FAM162A: variants seen among roughly 807,000 people sequenced by gnomAD.
FAM162A encodes the protein family with sequence similarity 162 member A, also known as protein FAM162A.
In FAM162A, 23 loss-of-function variants were observed where a neutral mutation model predicts 21.8. That is an observed-to-expected ratio of 1.05 (90% CI 0.76 to 1.49). The LOEUF is 1.49. Ranked by LOEUF, FAM162A falls within the 40% of genes most tolerant of loss-of-function variation. FAM162A has a pLI of 0.00. For synonymous variants in FAM162A, 53 were observed against 61.3 expected (o/e 0.86, Z 0.64); for missense variants, 165 against 186.4 (o/e 0.89, Z 0.67).
intron 1 of FAM162A, among the ~76,000 whole-genome samples, chr3:122,399,530 T>C (rs1195161118): frequency 6.6e-6 from 1 of 152,154 alleles, no homozygotes; most frequent in East Asian, 1.9e-4. Flanking sequence ...CAGTCTGCCA[T>C]TGATGGACAT....
intron 3 of FAM162A, 73 bp from the exon 4 acceptor site, chr3:122,407,208 A>C (rs1003729291): frequency 2.0e-5 from 24 of 1,216,950 alleles, no homozygotes; most frequent in Admixed American, 4.1e-5. Context: ...ATTTATACAC[A>C]GCCTTTTATC....
At chr3:122,391,857 A>G (rs562013333) in intron 1 of FAM162A, among the ~76,000 whole-genome samples, 8 of 152,360 alleles carry the variant, frequency 5.3e-5, no homozygotes, top group African/African-American at 1.4e-4. Flanking sequence ...TAACTACTCT[A>G]TGTAAAATTT....
At chr3:122,408,282 A>G (rs755521020) in intron 4 of FAM162A, among the ~76,000 whole-genome samples, 27 of 152,216 alleles carry the variant, frequency 1.8e-4, no homozygotes, top group Non-Finnish European at 1.6e-4. Context: ...CAAACCTCAT[A>G]CTATACTATC....
intron 1 of FAM162A, among the ~76,000 whole-genome samples, chr3:122,394,145 A>G (rs1055675300): frequency 1.3e-5 from 2 of 152,098 alleles, no homozygotes; most frequent in African/African-American, 2.4e-5. Flanking sequence ...AAACGACCAG[A>G]TCTCATAAGA....
At chr3:122,386,446 A>G (rs1168929043) in intron 1 of FAM162A, among the ~76,000 whole-genome samples, 1 of 151,988 alleles carries the variant, frequency 6.6e-6, no homozygotes, top group African/African-American at 2.4e-5. Context: ...TCAGCTACTC[A>G]GGAGGCTGAG....
intron 1 of FAM162A, 106 bp downstream of exon 1, chr3:122,384,405 G>T: frequency 2.3e-6 from 3 of 1,330,392 alleles, no homozygotes; most frequent in Non-Finnish European, 3.1e-6. Flanking sequence ...ATTCCATGAC[G>T]CACTTTCTCG....
intron 4 of FAM162A, 135 bp from the exon 5 acceptor site, chr3:122,409,604 T>C: frequency 1.4e-6 from 1 of 712,502 alleles, no homozygotes; most frequent in East Asian, 2.5e-5. Context: ...TAGAGGAAAC[T>C]GCCGTGCTCA....
In FAM162A at chr3:122,402,763, G is replaced by T. The variant is rs2075658522; in HGVS notation, c.38G>T (p.Ser13Ile). The T allele has an allele frequency of 1.4e-6, 2 of 1,472,204 alleles. No individual in the cohort carries two copies. Among genetic ancestry groups the T allele is most frequent in the Non-Finnish European group, 1.8e-6 (2 of 1,108,586 alleles). The allele number at this position is 1,472,204 out of a possible 1,614,324, so 91.2% of individuals were successfully genotyped here. A position where few individuals can be genotyped will look rare whatever the true frequency, so the allele number is the denominator to read the frequency against. Residue 13 changes from serine (S) to isoleucine (I), a missense_variant, in exon 2 of 5, where the codon AGC becomes ATC. Coordinates refer to ENST00000477892, the MANE Select transcript of FAM162A (RefSeq NM_014367.4). ...AACATTTTCCTCTCTTTTTTAGGAAGCTGTTTTAGGTTATGTGAAAGAGAT... is the reference window on the plus strand; with the variant it reads ...AACATTTTCCTCTCTTTTTTAGGAATCTGTTTTAGGTTATGTGAAAGAGAT... ...SLSGLRLAAG[S>I]CFRLCERDVS...
intron 1 of FAM162A, among the ~76,000 whole-genome samples, chr3:122,392,022 A>T (rs966909096): frequency 3.9e-5 from 6 of 152,198 alleles, no homozygotes; most frequent in Admixed American, 1.3e-4. Flanking sequence ...TGCCTAAAAC[A>T]ATGCCTGGCA....
At position 122,407,431 on chromosome 3, in the gene FAM162A, A is replaced by T. The variant is rs754987744; in HGVS notation, c.372+42A>T. 8.2e-6 allele frequency: 12 copies of T among 1,465,688 alleles called. No homozygotes were observed. The South Asian group carries it at 9.1e-5, about 11-fold the overall frequency. 90.8% of individuals were successfully genotyped at this position (1,465,688 alleles called of 1,614,324 possible). On this transcript the variant is annotated intron_variant, in intron 4 of 4. Transcript: ENST00000477892. ...TCTCTATCCAGTATGTATGTTCTCC[A>T]CCAAGAACCTAGAGTAAATCAGGGA...
intron 1 of FAM162A, among the ~76,000 whole-genome samples, chr3:122,395,112 C>T (rs1183801504): frequency 6.6e-6 from 1 of 152,168 alleles, no homozygotes; most frequent in East Asian, 1.9e-4. Flanking sequence ...TAGAAAGGAA[C>T]TTCCTCAACC....
intron 1 of FAM162A, among the ~76,000 whole-genome samples, chr3:122,392,297 G>T (rs1198719203): frequency 6.6e-6 from 1 of 152,132 alleles, no homozygotes; most frequent in Non-Finnish European, 1.5e-5. Flanking sequence ...TGTTCCTTTT[G>T]TAAGTGCCTG....
intron 1 of FAM162A, among the ~76,000 whole-genome samples, 186 bp from the exon 2 acceptor site, chr3:122,402,574 T>C (rs1016713513): frequency 2.0e-5 from 3 of 152,218 alleles, no homozygotes; most frequent in African/African-American, 7.2e-5. Flanking sequence ...AATAAAACAT[T>C]TATATTTTAA....
chr3:122,388,218 G>T (rs2075583368), intron 1 of FAM162A, among the ~76,000 whole-genome samples: 1 of 152,234 alleles, frequency 6.6e-6, no homozygotes, highest in South Asian at 2.1e-4. Flanking sequence ...GATGAGTTTG[G>T]AGATACTGAG....
chr3:122,384,592 C>A (rs1362513717), intron 1 of FAM162A, among the ~76,000 whole-genome samples: 1 of 152,084 alleles, frequency 6.6e-6, no homozygotes, highest in Non-Finnish European at 1.5e-5. Flanking sequence ...CTCCCCTGAG[C>A]TCAGTCTGTA....
In FAM162A at chr3:122,410,545, T is replaced by C. The variant is rs1192580516; in HGVS notation, c.*714T>C. 2 of 152,464 alleles carry C rather than the reference T, an allele frequency of 1.3e-5. No individual in the cohort carries two copies. The highest frequency in any genetic ancestry group is 4.8e-5 in the African/African-American group (2 of 41,472). The allele number at this position is 152,464 out of a possible 1,614,324, so 9.4% of individuals were successfully genotyped here. On this transcript the variant is annotated 3_prime_UTR_variant, in exon 5 of 5. Coordinates refer to ENST00000477892, the MANE Select transcript of FAM162A (RefSeq NM_014367.4). ...TCTCATGTATTATTACTGTTAGAAGTATTTGCACCTCATATATATCTCATT... is the reference window on the plus strand; with the variant it reads ...TCTCATGTATTATTACTGTTAGAAGCATTTGCACCTCATATATATCTCATT...
chr3:122,386,525 TC>T (rs1226123730), intron 1 of FAM162A, among the ~76,000 whole-genome samples: 2 of 148,640 alleles, frequency 1.3e-5, no homozygotes, highest in Non-Finnish European at 3.0e-5. Flanking sequence ...GCTACCACAT[TC>T]CAATCTGGAC....
intron 1 of FAM162A, among the ~76,000 whole-genome samples, chr3:122,399,831 C>T (rs28879689): frequency 0.026 from 3,952 of 152,214 alleles, 175 homozygotes; most frequent in African/African-American, 0.09. Flanking sequence ...TGGCCAGGCA[C>T]GGTGGCTCAT....
chr3:122,396,056 C>G (rs115688456), intron 1 of FAM162A, among the ~76,000 whole-genome samples: 3 of 152,116 alleles, frequency 2.0e-5, no homozygotes, highest in Non-Finnish European at 2.9e-5. Context: ...AAATGGATCA[C>G]AGACCTAAAT....
Sources: allele counts gnomAD v4.1 joint callset (sites outside exome capture counted in the v4.1 genomes callset), GRCh38; gene constraint gnomAD v4.1.1; transcripts MANE v1.5; gene names NCBI Gene and HGNC (gene_info 2026-07-23, HGNC 2026-07-21).